FGR: variants seen among roughly 807,000 people sequenced by gnomAD.
The protein encoded by FGR is FGR proto-oncogene, Src family tyrosine kinase.
A neutral mutation model predicts 63.2 loss-of-function variants in FGR; 26 were observed. The ratio of observed to expected loss-of-function variants is 0.41; its 90% CI spans 0.30 to 0.57. The LOEUF is 0.57. Ranked by LOEUF, FGR falls within the 20% of genes least tolerant of loss-of-function variation. FGR has a pLI of 0.27. For missense variants in FGR, 511 were observed against 690.8 expected, an observed-to-expected ratio of 0.74 and a Z score of 2.92; for synonymous variants, 286 against 277.7, an observed-to-expected ratio of 1.03 and a Z score of -0.30.
chr1:27,613,416 A>C, intron 11 of FGR, 66 bp from the exon 12 acceptor site: 1 of 1,574,772 alleles, frequency 6.4e-7, no homozygotes, highest in Non-Finnish European at 8.7e-7. Flanking sequence ...GATTAAGAGA[A>C]TGGGGTCTGG....
At chr1:27,628,150 A>C (rs1381223153) in intron 1 of FGR, among the ~76,000 whole-genome samples, 2 of 148,438 alleles carry the variant, frequency 1.3e-5, no homozygotes, top group South Asian at 2.2e-4. Context: ...CTCCAGCCTG[A>C]GTGACAGTGA....
chr1:27,617,022 C>T lies in FGR; in HGVS notation c.533-16G>A, dbSNP rs2089825971. On this transcript the variant is annotated splice_polypyrimidine_tract_variant and intron_variant, in intron 6 of 12. Transcript: ENST00000374005. This position sits in a 1 kb window ranked among gnomAD's most constrained non-coding sequence, Gnocchi z 4.5. ...GAGTAGGCACCTGTGGAGAGGATCA[C>T]TTTTGATCTGCTGTTCTCCTCTGCC... 1.2e-6 allele frequency: 2 copies of T among 1,613,866 alleles called. No homozygotes were observed. Among genetic ancestry groups the T allele is most frequent in the Admixed American group, 1.7e-5 (1 of 60,014 alleles).
Position 27,627,447 on chromosome 1 carries a change from AACACACAC to A in FGR, c.-76-2304_-76-2297del, listed in dbSNP as rs3076985. On this transcript the variant is annotated intron_variant, in intron 1 of 12. Transcript: ENST00000374005. The stretch of plus-strand genomic sequence containing the variant: ...CTGCACATAGATGTGCATGCACATG[AACACACAC>A]ACACACACACACACACACACACATC... 1.7e-4 allele frequency among the ~76,000 whole-genome samples: 25 copies of A among 148,494 alleles called. 1 individual carries two copies. Among genetic ancestry groups the A allele is most frequent in the Admixed American group, 1.2e-3 (18 of 14,914 alleles).
intron 4 of FGR, 130 bp downstream of exon 4, chr1:27,622,912 G>T: frequency 1.5e-6 from 1 of 668,836 alleles, no homozygotes; most frequent in East Asian, 2.7e-5. Context: ...GTCACCCAGG[G>T]TTTTTATTGT....
At position 27,615,404 on chromosome 1, in the gene FGR, A is replaced by C. The variant is rs1245360463; in HGVS notation, c.1018+30T>G. The C allele has an allele frequency of 2.5e-6, 4 of 1,585,498 alleles. No individual in the cohort carries two copies. The Admixed American group carries it at 5.1e-5, about 20-fold the overall frequency. ...AACTCCCCTCTTAACTTCACCCCGAATCCCGCCCGACCAGGCTCCGCCTCC... is the reference window on the plus strand; with the variant it reads ...AACTCCCCTCTTAACTTCACCCCGACTCCCGCCCGACCAGGCTCCGCCTCC... On this transcript the variant is annotated intron_variant, in intron 9 of 12. Coordinates refer to ENST00000374005, the MANE Select transcript of FGR (RefSeq NM_005248.3). This position sits in a 1 kb window ranked among gnomAD's most constrained non-coding sequence, Gnocchi z 7.6.
At position 27,612,895 on chromosome 1, in the gene FGR, G is replaced by C; in HGVS notation, c.*19C>G. 1 of 1,607,418 alleles carries C rather than the reference G, an allele frequency of 6.2e-7. No homozygotes were observed. The highest frequency in any genetic ancestry group is 8.5e-7 in the Non-Finnish European group (1 of 1,175,894). On this transcript the variant is annotated 3_prime_UTR_variant, in exon 13 of 13. Transcript: ENST00000374005. The stretch of plus-strand genomic sequence containing the variant: ...AAGGACTGGTGGCCACCGCCAGAGA[G>C]GGTTGATGCCCGGACAGGCTATGTC...
intron 3 of FGR, 36 bp from the exon 4 acceptor site, chr1:27,623,180 G>C (rs576141629): frequency 9.2e-5 from 140 of 1,523,058 alleles, no homozygotes; most frequent in Non-Finnish European, 1.2e-4. Context: ...GGTAGGGCAT[G>C]GGGCAGAAGC....
Position 27,634,376 on chromosome 1 carries a change from G to A in FGR, c.-77+689C>T, listed in dbSNP as rs567266463. Among the ~76,000 whole-genome samples the A allele has an allele frequency of 2.5e-3, 380 of 152,246 alleles. 3 individuals carry two copies. Among genetic ancestry groups the A allele is most frequent in the African/African-American group, 8.8e-3 (367 of 41,572 alleles). ...ACTTCCCCAGGAAGCGGGGACCCAC[G>A]CCTCGCGCGCCCGGCAGGAGTCCCC... On this transcript the variant is annotated intron_variant, in intron 1 of 12. Coordinates refer to ENST00000374005, the MANE Select transcript of FGR (RefSeq NM_005248.3).
intron 1 of FGR, among the ~76,000 whole-genome samples, chr1:27,630,472 T>A (rs1364976072): frequency 6.6e-6 from 1 of 152,118 alleles, no homozygotes; most frequent in Admixed American, 6.6e-5. Flanking sequence ...TGGACACCCC[T>A]GCAATAACGT....
At chr1:27,621,387 C>T (rs1159834711) in intron 5 of FGR, among the ~76,000 whole-genome samples, 172 bp downstream of exon 5, 1 of 152,162 alleles carries the variant, frequency 6.6e-6, no homozygotes, top group Non-Finnish European at 1.5e-5. Context: ...GCTCTATTAT[C>T]TACTATTATT....
chr1:27,627,130 C>T (rs545278340), intron 1 of FGR, among the ~76,000 whole-genome samples: 5 of 152,198 alleles, frequency 3.3e-5, no homozygotes, highest in Non-Finnish European at 7.4e-5. Flanking sequence ...TGTGATTGCA[C>T]CGCTGCACTC....
chr1:27,623,734 G>C lies in FGR; in HGVS notation c.183C>G (p.Ile61Met). The part of the protein sequence containing the change: ...PNYSNFSSQA[I>M]NPGFLDSGTI... ...TGCCACTATCAAGGAAGCCAGGGTT[G>C]ATGGCCTGAGAGGAGAAGTTGCTGT... The change falls in exon 3 of 13, where the codon ATC becomes ATG. Residue 61 changes from isoleucine (I) to methionine (M), a missense_variant. Ile to Met is a conservative substitution (Grantham distance 10, BLOSUM62 1). Transcript: ENST00000374005. 2 of 1,614,218 alleles carry C rather than the reference G, an allele frequency of 1.2e-6. No individual in the cohort carries two copies. The highest frequency in any genetic ancestry group is 1.7e-6 in the Non-Finnish European group (2 of 1,180,036).
At position 27,617,473 on chromosome 1, in the gene FGR, C is replaced by T; in HGVS notation, c.429-177G>A. ...GAGAAGGGGAGTGTAAAATGCCTGGCACACAGTAGGTGCCCTGCAAAGGTT... is the reference window on the plus strand; with the variant it reads ...GAGAAGGGGAGTGTAAAATGCCTGGTACACAGTAGGTGCCCTGCAAAGGTT... On this transcript the variant is annotated intron_variant, in intron 5 of 12. Transcript: ENST00000374005. This position sits in a 1 kb window ranked among gnomAD's most constrained non-coding sequence, Gnocchi z 4.5. Among the ~76,000 whole-genome samples the T allele has an allele frequency of 6.6e-6, 1 of 152,200 alleles. No homozygotes were observed.
Position 27,625,087 on chromosome 1 carries a change from AC to A in FGR, c.-14+1del, listed in dbSNP as rs963757660. On this transcript the variant is annotated splice_donor_variant, in intron 2 of 12. Coordinates refer to ENST00000374005, the MANE Select transcript of FGR (RefSeq NM_005248.3). LOFTEE classifies it low-confidence loss of function (5UTR_SPLICE). ...TGAAAGCCCTCAGTCTACCCCACTC[AC>A]CCCTTAGGCCCCTACTCCTGGGTCA... The A allele has an allele frequency of 7.2e-5, 11 of 151,744 alleles. No individual in the cohort carries two copies. The highest frequency in any genetic ancestry group is 2.4e-4 in the African/African-American group (10 of 41,040). 9.4% of individuals were successfully genotyped at this position (151,744 alleles called of 1,614,324 possible).
At chr1:27,629,745 G>C (rs2090077158) in intron 1 of FGR, among the ~76,000 whole-genome samples, 1 of 152,194 alleles carries the variant, frequency 6.6e-6, no homozygotes. Context: ...GTAACTCCCA[G>C]TCATGGTCTT....
intron 1 of FGR, among the ~76,000 whole-genome samples, chr1:27,631,956 T>A (rs2090111451): frequency 6.6e-6 from 1 of 151,776 alleles, no homozygotes; most frequent in South Asian, 2.1e-4. Flanking sequence ...TGCAGGTGAC[T>A]CCCATCCCAC....
At chr1:27,624,636 T>C (rs2089988691) in intron 2 of FGR, among the ~76,000 whole-genome samples, 1 of 152,146 alleles carries the variant, frequency 6.6e-6, no homozygotes, top group African/African-American at 2.4e-5. Flanking sequence ...TAAAAGTCTC[T>C]GTGTATGTGT....
At chr1:27,626,131 A>G (rs2090018160) in intron 1 of FGR, 1 of 398,554 alleles carries the variant, frequency 2.5e-6, no homozygotes, top group Admixed American at 4.4e-5. Context: ...AAGCCCCACA[A>G]TGAGCCAACC....
intron 1 of FGR, among the ~76,000 whole-genome samples, chr1:27,630,222 T>C (rs896659277): frequency 6.6e-6 from 1 of 152,032 alleles, no homozygotes; most frequent in Non-Finnish European, 1.5e-5. Flanking sequence ...CCTGGCTAAT[T>C]TTTTGTATTT....
Sources: allele counts gnomAD v4.1 joint callset (sites outside exome capture counted in the v4.1 genomes callset), GRCh38; gene constraint gnomAD v4.1.1; non-coding constraint Gnocchi (gnomAD v3.1); transcripts MANE v1.5; gene names NCBI Gene and HGNC (gene_info 2026-07-23, HGNC 2026-07-21).